ZNF469: variants seen among roughly 807,000 people sequenced by gnomAD.
ZNF469 encodes the protein zinc finger protein 469.
Under a neutral mutation model 1.0 loss-of-function variants are expected in ZNF469, and 1 was observed. The observed-to-expected ratio is 1.00, with a 90% CI of 0.35 to 4.73. The LOEUF is 4.73. ZNF469 is among the 30% of genes most tolerant of loss of function. The pLI, the probability that ZNF469 is intolerant of heterozygous loss-of-function variation, is 0.16. For synonymous variants in ZNF469, 2,703 were observed against 2,363.4 expected, an observed-to-expected ratio of 1.14 and a Z score of -4.17; for missense variants, 6,100 against 5,356.3, an observed-to-expected ratio of 1.14 and a Z score of -4.33.
the ZNF469 span, among the ~76,000 whole-genome samples, chr16:88,138,070 G>C: frequency 5.3e-4 from 81 of 152,318 alleles, no homozygotes; most frequent in African/African-American, 1.9e-3. Flanking sequence ...CTCAGTGTCT[G>C]TGACATGGAC....
chr16:88,321,942 A>T, the ZNF469 span, among the ~76,000 whole-genome samples: 1 of 152,232 alleles, frequency 6.6e-6, no homozygotes, highest in African/African-American at 2.4e-5. Flanking sequence ...CAGTGGCCAC[A>T]GGATGCTGCA....
chr16:88,235,307 C>T, the ZNF469 span, among the ~76,000 whole-genome samples: 1 of 152,228 alleles, frequency 6.6e-6, no homozygotes, highest in Non-Finnish European at 1.5e-5. Context: ...TTTAACGGCT[C>T]ATTTCTTTGG....
Position 88,428,990 on chromosome 16 carries a change from C to G in ZNF469, c.1520C>G (p.Pro507Arg). ...GMEMLSRLPF[P>R]AGGPEWQGGS... Reference sequence around the variant, plus strand: ...GAGATGCTGAGCCGGCTGCCTTTCCCCGCGGGGGGCCCCGAGTGGCAGGGG... The same window carrying G: ...GAGATGCTGAGCCGGCTGCCTTTCCGCGCGGGGGGCCCCGAGTGGCAGGGG... Residue 507 changes from proline (P) to arginine (R), a missense_variant, in exon 3 of 3, where the codon CCC becomes CGC. Coordinates refer to ENST00000565624, the MANE Select transcript of ZNF469 (RefSeq NM_001367624.2). 1 of 1,549,268 alleles carries G rather than the reference C, an allele frequency of 6.5e-7. No homozygotes were observed. The highest frequency in any genetic ancestry group is 8.7e-7 in the Non-Finnish European group (1 of 1,146,676).
chr16:88,371,118 T>C, the ZNF469 span, among the ~76,000 whole-genome samples: 1 of 152,256 alleles, frequency 6.6e-6, no homozygotes, highest in Non-Finnish European at 1.5e-5. Context: ...AGAAATAATC[T>C]AGTTACTGTT....
the ZNF469 span, among the ~76,000 whole-genome samples, chr16:88,169,195 G>A: frequency 5.3e-5 from 8 of 152,224 alleles, no homozygotes; most frequent in African/African-American, 1.2e-4. The surrounding 1 kb of genome is among the most constrained non-coding windows in gnomAD (Gnocchi z 6.1). Context: ...ATGAGGTGAC[G>A]TTGGTACAGG....
chr16:88,184,929 C>T, the ZNF469 span, among the ~76,000 whole-genome samples: 2 of 151,890 alleles, frequency 1.3e-5, no homozygotes, highest in Non-Finnish European at 1.5e-5. Flanking sequence ...GGCTGTTATG[C>T]ACAGACCCTC....
the ZNF469 span, among the ~76,000 whole-genome samples, chr16:88,280,901 G>C: frequency 0.31 from 46,320 of 151,040 alleles, 7,448 homozygotes; most frequent in Non-Finnish European, 0.35. Flanking sequence ...GTACCATGTA[G>C]ATATCAGTGC....
chr16:88,380,081 TCACA>T (rs1282849416), upstream of ZNF469, among the ~76,000 whole-genome samples: 5 of 150,824 alleles, frequency 3.3e-5, no homozygotes, highest in Admixed American at 6.6e-5. Context: ...AGACACGCAC[TCACA>T]CACACAAATG....
the ZNF469 span, among the ~76,000 whole-genome samples, chr16:88,135,855 G>A: frequency 2.7e-5 from 4 of 149,502 alleles, no homozygotes; most frequent in South Asian, 2.1e-4. Flanking sequence ...CCGTCTCCCG[G>A]GTTCACGCCA....
the ZNF469 span, among the ~76,000 whole-genome samples, chr16:88,196,618 A>G: frequency 6.6e-6 from 1 of 152,184 alleles, no homozygotes; most frequent in Non-Finnish European, 1.5e-5. Flanking sequence ...GAAAGAAGCA[A>G]TAAGGGAACA....
chr16:88,432,616 C>T lies in ZNF469; in HGVS notation c.5146C>T (p.Pro1716Ser), dbSNP rs1295739660. Reference protein sequence around the residue: ...GLCQAEGDSRPPQDVCLPEPS... With the variant: ...GLCQAEGDSRSPQDVCLPEPS... ...TTGCCAGGCAGAAGGAGACAGCAGG[C>T]CCCCCCAAGATGTCTGCCTGCCTGA... The change falls in exon 3 of 3, where the codon CCC becomes TCC. Residue 1716 changes from proline to serine, a missense_variant. By Grantham distance (74) the Pro-to-Ser change is moderately conservative (BLOSUM62 -1). Transcript: ENST00000565624. The T allele has an allele frequency of 4.5e-6, 7 of 1,550,226 alleles. No individual in the cohort carries two copies. The highest frequency in any genetic ancestry group is 3.9e-5 in the Admixed American group (2 of 50,980).
At chr16:88,303,577 G>A in the ZNF469 span, among the ~76,000 whole-genome samples, 5 of 152,286 alleles carry the variant, frequency 3.3e-5, no homozygotes, top group African/African-American at 7.2e-5. Context: ...TCTCAGAACC[G>A]CAGAGTTGGA....
At chr16:88,349,774 AACACAAGTG>A in the ZNF469 span, among the ~76,000 whole-genome samples, 24 of 25,550 alleles carry the variant, frequency 9.4e-4, no homozygotes, top group Middle Eastern at 0.025. Flanking sequence ...AATACACACC[AACACAAGTG>A]CACACACACC....
the ZNF469 span, among the ~76,000 whole-genome samples, chr16:88,133,670 A>G: frequency 5.3e-5 from 8 of 151,552 alleles, no homozygotes; most frequent in Non-Finnish European, 1.0e-4. Context: ...AATAAATATA[A>G]ATAAAATCAA....
chr16:88,121,242 G>GA, the ZNF469 span, among the ~76,000 whole-genome samples: 18 of 80,718 alleles, frequency 2.2e-4, no homozygotes, highest in Non-Finnish European at 2.9e-5. Flanking sequence ...GAGGTTGGGG[G>GA]GTGGGGGCGC....
At chr16:88,144,115 C>T in the ZNF469 span, among the ~76,000 whole-genome samples, 4 of 152,154 alleles carry the variant, frequency 2.6e-5, no homozygotes, top group Non-Finnish European at 5.9e-5. Flanking sequence ...GGAAGAGGTA[C>T]GCCCGGGGCC....
intron 2 of ZNF469, among the ~76,000 whole-genome samples, chr16:88,426,912 C>T (rs967512957): frequency 1.3e-5 from 2 of 152,160 alleles, no homozygotes; most frequent in African/African-American, 2.4e-5. Flanking sequence ...TAAGCATCCA[C>T]CTGGGCCCTC....
intron 1 of ZNF469, among the ~76,000 whole-genome samples, chr16:88,392,031 A>G (rs979140457): frequency 6.6e-6 from 1 of 152,270 alleles, no homozygotes; most frequent in African/African-American, 2.4e-5. Context: ...ACATCATACA[A>G]TATCTTATGC....
chr16:88,342,813 G>C, the ZNF469 span, among the ~76,000 whole-genome samples: 28 of 152,238 alleles, frequency 1.8e-4, no homozygotes, highest in Non-Finnish European at 2.4e-4. Flanking sequence ...GGCGATGCCT[G>C]TCAATGACGC....
Sources: gnomAD v4.1 joint callset for allele counts (sites outside exome capture counted in the v4.1 genomes callset) on GRCh38, gnomAD v4.1.1 for gene constraint, Gnocchi (gnomAD v3.1) non-coding constraint, MANE v1.5 for transcripts, NCBI Gene and HGNC (gene_info 2026-07-23, HGNC 2026-07-21) for gene names.